RIN2: variants seen among roughly 807,000 people sequenced by gnomAD.
RIN2 encodes the protein RAB5 interacting protein 2.
RIN2 carries 36 observed loss-of-function variants against 78.0 expected under a neutral mutation model. The observed-to-expected ratio is 0.46, with a 90% CI of 0.35 to 0.61. RIN2 has a LOEUF of 0.61. Ranked by LOEUF, RIN2 falls within the 20% of genes least tolerant of loss-of-function variation. The probability of loss-of-function intolerance (pLI) is 0.00; values close to 1 mark genes in which losing one functional copy is unlikely to be tolerated. For missense variants in RIN2, 1,087 were observed against 1,159.7 expected (o/e 0.94, Z 0.91); for synonymous variants, 466 against 466.8 (o/e 1.00, Z 0.02).
intron 9 of RIN2, among the ~76,000 whole-genome samples, chr20:19,989,371 T>G (rs1169266188): frequency 6.6e-6 from 1 of 151,590 alleles, no homozygotes; most frequent in Non-Finnish European, 1.5e-5. Flanking sequence ...CCTCTTGGGT[T>G]CAAACAATTC....
intron 2 of RIN2, chr20:19,889,189 C>G: frequency 2.5e-5 from 25 of 985,464 alleles, no homozygotes; most frequent in Non-Finnish European, 3.0e-5. Flanking sequence ...CCTTCTTCAG[C>G]TGTCCCTCTG....
In RIN2 at chr20:19,975,242, G is replaced by A. The variant is rs762517136; in HGVS notation, c.1217G>A (p.Gly406Glu). The change falls in exon 9 of 13, where the codon GGG becomes GAG. Residue 406 changes from glycine (G) to glutamate (E), a missense_variant. Physicochemically the swap from Gly to Glu is moderately conservative, Grantham distance 98. This residue lies in a region of RIN2 where 706 missense variants were observed against 667.5 expected (regional missense o/e 1.06). Coordinates refer to ENST00000255006, the MANE Select transcript of RIN2 (RefSeq NM_018993.4). The surrounding 1 kb of genome is among the most constrained non-coding windows in gnomAD (Gnocchi z 4.9). Reference protein sequence around the residue: ...PGGAPPEAAPGDCTRAPPPSS... With the variant: ...PGGAPPEAAPEDCTRAPPPSS... Reference sequence around the variant, plus strand: ...GGGGCCCCGCCTGAGGCCGCCCCGGGGGATTGCACAAGGGCCCCGCCGCCC... The same window carrying A: ...GGGGCCCCGCCTGAGGCCGCCCCGGAGGATTGCACAAGGGCCCCGCCGCCC... 90 of 1,583,732 alleles carry A rather than the reference G, an allele frequency of 5.7e-5. No homozygotes were observed. The highest frequency in any genetic ancestry group is 7.5e-5 in the Non-Finnish European group (87 of 1,165,190).
At chr20:19,873,268 G>A (rs1230639665) in intron 2 of RIN2, among the ~76,000 whole-genome samples, 1 of 152,064 alleles carries the variant, frequency 6.6e-6, no homozygotes, top group Non-Finnish European at 1.5e-5. Context: ...GGGACTACAG[G>A]CATGTGCCAC....
At chr20:19,832,215 C>T (rs1410162131) in intron 2 of RIN2, among the ~76,000 whole-genome samples, 4 of 150,894 alleles carry the variant, frequency 2.7e-5, no homozygotes, top group African/African-American at 7.3e-5. Context: ...AGCACATTCC[C>T]AAGGACGCAG....
chr20:19,894,361 G>T (rs1485185995), intron 3 of RIN2, among the ~76,000 whole-genome samples: 1 of 151,804 alleles, frequency 6.6e-6, no homozygotes, highest in African/African-American at 2.4e-5. Context: ...TACCATCCAG[G>T]CTCCCAATGC....
rs535536434 is a variant in RIN2 at position 19,933,627 on chromosome 20, C to T, written c.58-1472C>T. On this transcript the variant is annotated intron_variant, in intron 3 of 12. Coordinates refer to ENST00000255006, the MANE Select transcript of RIN2 (RefSeq NM_018993.4). ...GAAGCGGGAGCCCATAAAAGTTTGT[C>T]GAAATAGTGAGTGAATAGATGGGGT... Among the ~76,000 whole-genome samples, 33 of 152,136 alleles carry T rather than the reference C, an allele frequency of 2.2e-4. No homozygotes were observed. The South Asian group carries it at 2.5e-3, about 11-fold the overall frequency.
At chr20:19,979,605 TG>T (rs747230325) in intron 9 of RIN2, among the ~76,000 whole-genome samples, 40 of 152,270 alleles carry the variant, frequency 2.6e-4, no homozygotes, top group Admixed American at 8.5e-4. Context: ...GGTTCAGATC[TG>T]GGTTTTTTTT....
intron 2 of RIN2, among the ~76,000 whole-genome samples, chr20:19,874,772 G>T (rs2037804692): frequency 1.3e-5 from 2 of 152,166 alleles, no homozygotes; most frequent in Non-Finnish European, 2.9e-5. Context: ...AACTGAGATT[G>T]AATAGTTGAG....
intron 2 of RIN2, among the ~76,000 whole-genome samples, chr20:19,848,534 C>CAAAAAAAAAAAAAAAAAAAAAAA (rs11352724): frequency 1.9e-5 from 1 of 52,838 alleles, no homozygotes; most frequent in African/African-American, 5.7e-5. Context: ...GACTCCATCT[C>CAAAAAAAAAAAAAAAAAAAAAAA]AAAAAAAAAA....
At chr20:19,874,859 T>C (rs1403003259) in intron 2 of RIN2, among the ~76,000 whole-genome samples, 1 of 136,608 alleles carries the variant, frequency 7.3e-6, no homozygotes, top group Admixed American at 7.6e-5. Flanking sequence ...TATTTTATTT[T>C]ATTTTATTTT....
intron 1 of RIN2, 113 bp downstream of exon 1, chr20:19,758,440 G>A (rs2033472008): frequency 6.6e-6 from 1 of 152,334 alleles, no homozygotes; most frequent in Non-Finnish European, 1.5e-5. Context: ...GTGCTGCTGT[G>A]CGCACTCTCT....
chr20:19,818,596 G>T (rs1436022650), intron 2 of RIN2, among the ~76,000 whole-genome samples: 1 of 152,082 alleles, frequency 6.6e-6, no homozygotes, highest in Non-Finnish European at 1.5e-5. Flanking sequence ...GTCGGGCATG[G>T]TGGTGCATGC....
At chr20:19,940,465 G>T (rs890546792) in intron 4 of RIN2, among the ~76,000 whole-genome samples, 6 of 152,236 alleles carry the variant, frequency 3.9e-5, no homozygotes, top group Non-Finnish European at 5.9e-5. Flanking sequence ...CCAGTCTCCA[G>T]TTGTGCCTCC....
chr20:19,995,358 G>C (rs2042927087), intron 11 of RIN2, among the ~76,000 whole-genome samples: 1 of 151,618 alleles, frequency 6.6e-6, no homozygotes, highest in African/African-American at 2.4e-5. Context: ...CTGTAGCTGT[G>C]GCTCACAGTA....
chr20:19,776,871 T>G (rs1245874008), intron 1 of RIN2, among the ~76,000 whole-genome samples: 1 of 152,228 alleles, frequency 6.6e-6, no homozygotes, highest in African/African-American at 2.4e-5. Context: ...GATGTATTGA[T>G]GTCTTATGTC....
intron 2 of RIN2, among the ~76,000 whole-genome samples, chr20:19,851,577 G>C (rs2036982473): frequency 1.3e-5 from 2 of 152,122 alleles, no homozygotes; most frequent in African/African-American, 4.8e-5. Flanking sequence ...CAAAAAATCA[G>C]CTGGGCTTGG....
chr20:19,762,107 A>G (rs756216488), intron 1 of RIN2, among the ~76,000 whole-genome samples: 9 of 152,184 alleles, frequency 5.9e-5, no homozygotes, highest in Non-Finnish European at 1.2e-4. Context: ...AAGTAAGTAA[A>G]TGTCACTCTC....
intron 1 of RIN2, among the ~76,000 whole-genome samples, chr20:19,764,918 G>GTTTTTTGTTTTTTTT (rs2033806296): frequency 7.9e-5 from 4 of 50,362 alleles, no homozygotes; most frequent in African/African-American, 2.6e-4. Context: ...CACTTTCTGC[G>GTTTTTTGTTTTTTTT]TTTTTTTTTT....
chr20:19,978,913 G>T (rs991934701), intron 9 of RIN2, among the ~76,000 whole-genome samples: 1 of 152,220 alleles, frequency 6.6e-6, no homozygotes, highest in African/African-American at 2.4e-5. Flanking sequence ...CGGACAGTGT[G>T]CTGCGCTCAT....
Sources: gnomAD v4.1 joint callset for allele counts (sites outside exome capture counted in the v4.1 genomes callset) on GRCh38, gnomAD v4.1.1 for gene constraint, gnomAD v4.1.1 regional missense constraint, Gnocchi (gnomAD v3.1) non-coding constraint, MANE v1.5 for transcripts, NCBI Gene and HGNC (gene_info 2026-07-23, HGNC 2026-07-21) for gene names.